Variants in TEC observed in about 807,000 individuals in gnomAD.
TEC encodes the protein tyrosine-protein kinase Tec.
TEC carries 72 observed loss-of-function variants against 93.0 expected under a neutral mutation model. The observed-to-expected ratio is 0.77, with a 90% confidence interval of 0.64 to 0.94. The LOEUF (loss-of-function observed/expected upper bound fraction) is 0.94, where lower values mean the gene tolerates loss of function less well. Ranked by LOEUF, TEC falls within the 40% of genes least tolerant of loss-of-function variation. The pLI is 0.00. For missense variants in TEC, 630 were observed against 757.9 expected, an observed-to-expected ratio of 0.83 and a Z score of 1.98; for synonymous variants, 249 against 247.7, an observed-to-expected ratio of 1.01 and a Z score of -0.05.
At chr4:48,188,034 A>G (rs1721952837) in intron 2 of TEC, among the ~76,000 whole-genome samples, 3 of 148,812 alleles carry the variant, frequency 2.0e-5, no homozygotes, top group Admixed American at 2.0e-4. Flanking sequence ...AGTTCTAGCC[A>G]AGGGGGGCAT....
At chr4:48,148,130 T>C (rs1420136783) in intron 11 of TEC, among the ~76,000 whole-genome samples, 1 of 152,172 alleles carries the variant, frequency 6.6e-6, no homozygotes, top group Non-Finnish European at 1.5e-5. Context: ...AGATTTCTTC[T>C]TGGGATGATG....
intron 2 of TEC, among the ~76,000 whole-genome samples, chr4:48,198,365 T>C (rs1436572332): frequency 4.6e-5 from 7 of 152,164 alleles, no homozygotes; most frequent in African/African-American, 1.7e-4. Flanking sequence ...TAACTAGGCA[T>C]AAAACCATCC....
chr4:48,169,184 G>T (rs1721001153), intron 5 of TEC, among the ~76,000 whole-genome samples: 1 of 152,082 alleles, frequency 6.6e-6, no homozygotes, highest in African/African-American at 2.4e-5. Flanking sequence ...CAGGAAGAGA[G>T]AGACTGCTAG....
chr4:48,171,838 T>TGATATTG, intron 3 of TEC, among the ~76,000 whole-genome samples: 1 of 152,256 alleles, frequency 6.6e-6, no homozygotes, highest in Non-Finnish European at 1.5e-5. Flanking sequence ...TATCAATAAT[T>TGATATTG]GCAGTAGCTA....
At chr4:48,195,142 G>A (rs1413812641) in intron 2 of TEC, among the ~76,000 whole-genome samples, 2 of 152,174 alleles carry the variant, frequency 1.3e-5, no homozygotes, top group East Asian at 1.9e-4. Context: ...GTTTCTGCAA[G>A]ACAATGGGAG....
intron 2 of TEC, among the ~76,000 whole-genome samples, chr4:48,206,777 CAAAAAAAAAA>C (rs34761710): frequency 1.1e-5 from 1 of 89,218 alleles, no homozygotes; most frequent in Non-Finnish European, 2.4e-5. Context: ...CTCGTTGCTA[CAAAAAAAAAA>C]AAAAAAAAAA....
At chr4:48,197,282 C>T (rs1425693062) in intron 2 of TEC, among the ~76,000 whole-genome samples, 1 of 152,174 alleles carries the variant, frequency 6.6e-6, no homozygotes, top group East Asian at 1.9e-4. Context: ...GCCACATGCT[C>T]ACTCTGCAAC....
intron 9 of TEC, among the ~76,000 whole-genome samples, chr4:48,152,199 G>A (rs999503036): frequency 6.6e-6 from 1 of 152,140 alleles, no homozygotes; most frequent in African/African-American, 2.4e-5. Context: ...GCCGAGGCAG[G>A]CAGATCAGTT....
intron 2 of TEC, among the ~76,000 whole-genome samples, chr4:48,217,631 G>A (rs1272226733): frequency 6.6e-6 from 1 of 152,164 alleles, no homozygotes; most frequent in Non-Finnish European, 1.5e-5. Flanking sequence ...ACAAAGGACA[G>A]CATTTCTTCC....
intron 2 of TEC, among the ~76,000 whole-genome samples, chr4:48,224,491 T>C (rs1273513764): frequency 2.0e-5 from 3 of 152,194 alleles, no homozygotes. Context: ...CCCTGTGTCA[T>C]TTAGCCCCGT....
At chr4:48,165,522 A>C (rs1438481791) in intron 7 of TEC, among the ~76,000 whole-genome samples, 1 of 152,234 alleles carries the variant, frequency 6.6e-6, no homozygotes, top group Admixed American at 6.5e-5. Context: ...ATACCAATGA[A>C]GAACTTTATG....
intron 1 of TEC, among the ~76,000 whole-genome samples, chr4:48,243,894 C>G (rs1723985800): frequency 6.7e-6 from 1 of 150,188 alleles, no homozygotes; most frequent in Non-Finnish European, 1.5e-5. Flanking sequence ...TGCAGCAAAC[C>G]AACATGACAC....
intron 7 of TEC, among the ~76,000 whole-genome samples, chr4:48,164,819 T>C (rs184203055): frequency 1.2e-4 from 19 of 152,216 alleles, no homozygotes; most frequent in African/African-American, 4.3e-4. Flanking sequence ...CTGGCCAACA[T>C]GGCGAAACCC....
chr4:48,219,954 T>A (rs1428193356), intron 2 of TEC, among the ~76,000 whole-genome samples: 9 of 152,108 alleles, frequency 5.9e-5, no homozygotes, highest in Admixed American at 5.9e-4. Flanking sequence ...AAGGCATCTG[T>A]GGCATTTTGG....
intron 2 of TEC, among the ~76,000 whole-genome samples, chr4:48,199,380 T>C (rs930350387): frequency 1.3e-5 from 2 of 151,922 alleles, no homozygotes; most frequent in Non-Finnish European, 2.9e-5. Context: ...TATCATATTT[T>C]CCTTGAACCT....
chr4:48,139,237 GT>G (rs1719562634), intron 15 of TEC, among the ~76,000 whole-genome samples: 1 of 152,184 alleles, frequency 6.6e-6, no homozygotes, highest in African/African-American at 2.4e-5. Context: ...CCATCACCAC[GT>G]TACCATCTGC....
chr4:48,138,985 C>T lies in TEC; in HGVS notation c.1573G>A (p.Ala525Thr). 1 of 1,614,210 alleles carries T rather than the reference C, an allele frequency of 6.2e-7. No individual in the cohort carries two copies. The highest frequency in any genetic ancestry group is 8.5e-7 in the Non-Finnish European group (1 of 1,180,024). The change falls in exon 16 of 18, where the codon GCT (alanine) becomes ACT (threonine). Residue 525 changes from alanine (A) to threonine (T), a missense_variant. Ala to Thr is a moderately conservative substitution (Grantham distance 58). Around this residue, in one of 3 missense-constraint regions of TEC, gnomAD observed 289 missense variants for 390.0 expected, o/e 0.74. Coordinates refer to ENST00000381501, the MANE Select transcript of TEC (RefSeq NM_003215.3). ...GGACACCACTTCACAGGAAACTTAG[C>T]ACCAGAAGAACTTGTGTACTGATCA... ...LDDQYTSSSG[A>T]KFPVKWCPPE... is the part of the protein sequence containing the mutation.
intron 1 of TEC, among the ~76,000 whole-genome samples, chr4:48,258,429 C>T (rs541430980): frequency 6.6e-6 from 1 of 152,322 alleles, no homozygotes; most frequent in African/African-American, 2.4e-5. Context: ...AAGAGAGCCA[C>T]TAAGCCCAGC....
chr4:48,194,321 T>A (rs1722211461), intron 2 of TEC, among the ~76,000 whole-genome samples: 1 of 152,200 alleles, frequency 6.6e-6, no homozygotes, highest in Non-Finnish European at 1.5e-5. Context: ...AATTATGGAC[T>A]GGAAATATAA....
Sources: gnomAD v4.1 joint callset for allele counts (sites outside exome capture counted in the v4.1 genomes callset) on GRCh38, gnomAD v4.1.1 for gene constraint, gnomAD v4.1.1 regional missense constraint, MANE v1.5 for transcripts, NCBI Gene and HGNC (gene_info 2026-07-23, HGNC 2026-07-21) for gene names.